Variants in NUBPL observed in about 807,000 individuals in gnomAD.
NUBPL encodes iron-sulfur cluster transfer protein NUBPL.
Under a neutral mutation model 45.7 loss-of-function variants are expected in NUBPL, and 31 were observed. That is an observed-to-expected ratio of 0.68 (90% CI 0.51 to 0.92). The LOEUF (loss-of-function observed/expected upper bound fraction) is 0.92, where lower values mean the gene tolerates loss of function less well. Among genes scored for constraint, NUBPL ranks in the 40% least tolerant of loss-of-function variants. NUBPL has a pLI of 0.00. For missense variants in NUBPL, 401 were observed against 398.7 expected (o/e 1.01, Z -0.05); for synonymous variants, 144 against 140.9 (o/e 1.02, Z -0.15).
chr14:31,564,505 TAA>T (rs60926550), intron 2 of NUBPL, among the ~76,000 whole-genome samples: 24,942 of 112,416 alleles, frequency 0.22, 4,380 homozygotes, highest in African/African-American at 0.52. Flanking sequence ...ACCCTGTCTG[TAA>T]AAAAAAAAAA....
intron 6 of NUBPL, among the ~76,000 whole-genome samples, chr14:31,702,383 T>A (rs8008383): frequency 0.74 from 112,935 of 152,088 alleles, 47,638 homozygotes; most frequent in East Asian, 0.99. Context: ...GTCCCTCCAG[T>A]CATGACCCAA....
chr14:31,726,083 T>C (rs571647296), intron 6 of NUBPL, among the ~76,000 whole-genome samples: 1 of 152,302 alleles, frequency 6.6e-6, no homozygotes, highest in African/African-American at 2.4e-5. Context: ...TAGGAGTTGG[T>C]AAATGTTATG....
intron 7 of NUBPL, among the ~76,000 whole-genome samples, chr14:31,806,943 A>G (rs938012010): frequency 2.0e-5 from 3 of 152,174 alleles, no homozygotes; most frequent in African/African-American, 7.2e-5. Context: ...GCTACACAGG[A>G]CATGAACTCA....
chr14:31,707,841 T>C (rs2037488657), intron 6 of NUBPL, among the ~76,000 whole-genome samples: 1 of 152,224 alleles, frequency 6.6e-6, no homozygotes, highest in East Asian at 1.9e-4. Context: ...ATCCACGTAC[T>C]GAAGGACCAG....
chr14:31,637,576 G>A (rs1342324383), intron 4 of NUBPL, among the ~76,000 whole-genome samples: 1 of 152,174 alleles, frequency 6.6e-6, no homozygotes, highest in Non-Finnish European at 1.5e-5. Context: ...TTGATTTGTG[G>A]TGGAGAGTTC....
intron 6 of NUBPL, chr14:31,771,786 A>C: frequency 1.4e-6 from 1 of 695,526 alleles, no homozygotes; most frequent in Non-Finnish European, 1.8e-6. Context: ...GCTCTCCTTT[A>C]CCTATTACCC....
intron 6 of NUBPL, among the ~76,000 whole-genome samples, chr14:31,685,170 A>G (rs1001744074): frequency 2.6e-5 from 4 of 152,172 alleles, no homozygotes; most frequent in Admixed American, 1.3e-4. Context: ...CACTTTTGGA[A>G]CTGTCCACCT....
chr14:31,752,166 C>T (rs1191325294), intron 6 of NUBPL, among the ~76,000 whole-genome samples: 4 of 152,162 alleles, frequency 2.6e-5, no homozygotes, highest in Non-Finnish European at 5.9e-5. Context: ...TTTTGCTCCT[C>T]ATTACTTATG....
Position 31,562,125 on chromosome 14 carries a change from G to A in NUBPL, c.166G>A (p.Gly56Arg), listed in dbSNP as rs200401432. ...KQRRTQIMSR[G>R]LPKQKPIEGV... ...AAGAAGAACACAAATCATGTCCCGA[G>A]GACTTCCAAAGCAGAAACCGATAGA... is the stretch of plus-strand genomic sequence containing the variant. Residue 56 changes from glycine (G) to arginine (R), a missense_variant, in exon 2 of 11, where the codon GGA becomes AGA. By Grantham distance (125) the Gly-to-Arg change is moderately radical (BLOSUM62 -2). Coordinates refer to ENST00000281081, the MANE Select transcript of NUBPL (RefSeq NM_025152.3). 241 of 1,613,554 alleles carry A rather than the reference G, an allele frequency of 1.5e-4. No individual in the cohort carries two copies. Among genetic ancestry groups the A allele is most frequent in the Non-Finnish European group, 1.9e-4 (230 of 1,179,728 alleles).
intron 4 of NUBPL, among the ~76,000 whole-genome samples, chr14:31,622,901 A>T (rs1352819361): frequency 6.6e-6 from 1 of 152,234 alleles, no homozygotes; most frequent in Non-Finnish European, 1.5e-5. Context: ...TAGAGGAGCT[A>T]TGAGAAGAGG....
Position 31,759,849 on chromosome 14 carries a change from G to A in NUBPL, c.514-27931G>A, listed in dbSNP as rs188554836. 3.8e-4 allele frequency among the ~76,000 whole-genome samples: 57 copies of A among 151,214 alleles called. 1 individual carries two copies. In the East Asian group the frequency reaches 0.011, roughly 28 times the overall value. The stretch of plus-strand genomic sequence containing the variant: ...AACACTTTATTATATAATAGGATTT[G>A]TGTTAGATGATTTTGCACAACTGTA... On this transcript the variant is annotated intron_variant, in intron 6 of 10. Transcript: ENST00000281081.
At chr14:31,762,817 T>A (rs1287785957) in intron 6 of NUBPL, among the ~76,000 whole-genome samples, 1 of 152,106 alleles carries the variant, frequency 6.6e-6, no homozygotes, top group Admixed American at 6.6e-5. Context: ...TTTTTACATT[T>A]GCACATCTGA....
At chr14:31,836,861 T>C (rs1017765676) in intron 8 of NUBPL, among the ~76,000 whole-genome samples, 6 of 152,186 alleles carry the variant, frequency 3.9e-5, no homozygotes, top group African/African-American at 7.2e-5. Flanking sequence ...TAGATATAAC[T>C]GTATCTCTGT....
intron 7 of NUBPL, among the ~76,000 whole-genome samples, chr14:31,820,158 A>G (rs1473002010): frequency 1.3e-5 from 2 of 151,490 alleles, no homozygotes; most frequent in East Asian, 1.9e-4. Context: ...AAAAAAGAAA[A>G]AGAAAAAAAT....
chr14:31,593,453 G>A (rs1389296446), intron 3 of NUBPL, among the ~76,000 whole-genome samples: 1 of 142,166 alleles, frequency 7.0e-6, no homozygotes, highest in Non-Finnish European at 1.5e-5. Context: ...GGCGGAGCTT[G>A]CAGTGAGCTG....
At chr14:31,809,322 G>T (rs531054250) in intron 7 of NUBPL, among the ~76,000 whole-genome samples, 1 of 152,186 alleles carries the variant, frequency 6.6e-6, no homozygotes, top group Admixed American at 6.6e-5. Flanking sequence ...CAGAGATTCA[G>T]CTTCTTCCTG....
chr14:31,699,487 A>G (rs1179841206), intron 6 of NUBPL, among the ~76,000 whole-genome samples: 3 of 152,200 alleles, frequency 2.0e-5, no homozygotes, highest in Non-Finnish European at 2.9e-5. Context: ...ACTGAGGCAC[A>G]ATGAGGTTAA....
rs1309292861 is a variant in NUBPL at position 31,605,619 on chromosome 14, CAG to C, written c.382+6244_382+6245del. Reference sequence around the variant, plus strand: ...TTAATGTGTATGTAGGCTTCTGAGACAGAGAAGTGGAAAATCAGCTTGAGCAA... The same window carrying C: ...TTAATGTGTATGTAGGCTTCTGAGACAGAAGTGGAAAATCAGCTTGAGCAA... On this transcript the variant is annotated intron_variant, in intron 4 of 10. Transcript: ENST00000281081. Among the ~76,000 whole-genome samples, 4 of 151,466 alleles carry C rather than the reference CAG, an allele frequency of 2.6e-5. No individual in the cohort carries two copies. In the South Asian group the frequency reaches 6.2e-4, roughly 24 times the overall value.
At chr14:31,775,141 G>C (rs2039076693) in intron 6 of NUBPL, among the ~76,000 whole-genome samples, 1 of 152,140 alleles carries the variant, frequency 6.6e-6, no homozygotes, top group Non-Finnish European at 1.5e-5. Flanking sequence ...AAAGTGGCTG[G>C]GCATGGTGGC....
Sources: allele counts gnomAD v4.1 joint callset (sites outside exome capture counted in the v4.1 genomes callset), GRCh38; gene constraint gnomAD v4.1.1; transcripts MANE v1.5; gene names NCBI Gene and HGNC (gene_info 2026-07-23, HGNC 2026-07-21).